Variants in PPP5C observed in about 807,000 individuals in gnomAD.
The protein encoded by PPP5C is serine/threonine-protein phosphatase 5.
PPP5C carries 21 observed loss-of-function variants against 66.7 expected under a neutral mutation model. The ratio of observed to expected loss-of-function variants is 0.31; its 90% CI spans 0.22 to 0.45. PPP5C has a LOEUF of 0.45. PPP5C is among the 20% of genes least tolerant of loss of function. The pLI is 1.00. For missense variants in PPP5C, 464 were observed against 675.9 expected, an observed-to-expected ratio of 0.69 and a Z score of 3.48; for synonymous variants, 246 against 257.4, an observed-to-expected ratio of 0.96 and a Z score of 0.43.
intron 4 of PPP5C, among the ~76,000 whole-genome samples, chr19:46,381,204 GT>G (rs111985520): frequency 0.22 from 33,855 of 151,650 alleles, 4,356 homozygotes; most frequent in Non-Finnish European, 0.3. Context: ...ATTTAGTTGT[GT>G]TTTTTTTAAT....
chr19:46,361,147 T>TTTTTTTG, intron 2 of PPP5C, among the ~76,000 whole-genome samples: 1 of 148,638 alleles, frequency 6.7e-6, no homozygotes, highest in East Asian at 2.0e-4. Context: ...TTTTTTTTTT[T>TTTTTTTG]GAGACGGAGT....
At chr19:46,358,180 A>G (rs6509261) in intron 2 of PPP5C, among the ~76,000 whole-genome samples, 148,351 of 152,304 alleles carry the variant, frequency 0.97, 72,279 homozygotes, top group East Asian at 1. Flanking sequence ...TCATAGTACC[A>G]CTGGCCACCC....
intron 1 of PPP5C, among the ~76,000 whole-genome samples, chr19:46,349,215 TC>T (rs1383342002): frequency 1.3e-5 from 2 of 151,522 alleles, no homozygotes; most frequent in Non-Finnish European, 1.5e-5. Context: ...AATTGCTTGA[TC>T]CTTGGAGGCA....
intron 2 of PPP5C, among the ~76,000 whole-genome samples, chr19:46,358,877 T>C (rs1972332983): frequency 6.6e-6 from 1 of 152,204 alleles, no homozygotes; most frequent in African/African-American, 2.4e-5. Flanking sequence ...CTCTGGACTC[T>C]TACTCTTGAG....
intron 2 of PPP5C, among the ~76,000 whole-genome samples, chr19:46,354,634 A>C (rs1413844845): frequency 2.0e-5 from 3 of 152,050 alleles, no homozygotes. Context: ...TCATCTCTAC[A>C]AAAAATACAA....
At position 46,384,533 on chromosome 19, in the gene PPP5C, G is replaced by A. The variant is rs565819843; in HGVS notation, c.799-271G>A. 63 of 411,438 alleles carry A rather than the reference G, an allele frequency of 1.5e-4. 1 individual carries two copies. The East Asian group carries it at 2.6e-3, about 17-fold the overall frequency. 25.5% of individuals were successfully genotyped at this position (411,438 alleles called of 1,614,324 possible). A position where few individuals can be genotyped will look rare whatever the true frequency, so the allele number is the denominator to read the frequency against. On this transcript the variant is annotated intron_variant, in intron 6 of 12. Coordinates refer to ENST00000012443, the MANE Select transcript of PPP5C (RefSeq NM_006247.4). Reference sequence around the variant, plus strand: ...GACTGACTAGTCCCCGCACCTCCCCGCCACTGGCTTTCCGGGAGACAGGAG... The same window carrying A: ...GACTGACTAGTCCCCGCACCTCCCCACCACTGGCTTTCCGGGAGACAGGAG...
chr19:46,384,714 C>T, intron 6 of PPP5C, 90 bp from the exon 7 acceptor site: 1 of 965,974 alleles, frequency 1.0e-6, no homozygotes, highest in Non-Finnish European at 1.7e-6. Flanking sequence ...GCAGGAGCAG[C>T]CCATCTGGCC....
chr19:46,368,685 C>A (rs1258099557), intron 2 of PPP5C, among the ~76,000 whole-genome samples: 1 of 152,112 alleles, frequency 6.6e-6, no homozygotes, highest in Non-Finnish European at 1.5e-5. Flanking sequence ...ACAGTGCACC[C>A]AGTACATAGA....
At chr19:46,373,054 C>T (rs1431744009) in intron 2 of PPP5C, among the ~76,000 whole-genome samples, 1 of 152,260 alleles carries the variant, frequency 6.6e-6, no homozygotes, top group Non-Finnish European at 1.5e-5. Flanking sequence ...GCTGGCACCA[C>T]CCCTACTTTC....
At chr19:46,349,455 C>G (rs1972144923) in intron 1 of PPP5C, among the ~76,000 whole-genome samples, 1 of 151,998 alleles carries the variant, frequency 6.6e-6, no homozygotes, top group African/African-American at 2.4e-5. Context: ...GTCTGGAGCC[C>G]TGGAAGAGAC....
chr19:46,387,671 A>C (rs1601447172), intron 9 of PPP5C: 2 of 1,486,442 alleles, frequency 1.3e-6, no homozygotes, highest in East Asian at 5.0e-5. Context: ...GGGTGAAGGC[A>C]CGGTGACCGC....
At chr19:46,359,577 C>T (rs1972345690) in intron 2 of PPP5C, among the ~76,000 whole-genome samples, 1 of 152,136 alleles carries the variant, frequency 6.6e-6, no homozygotes, top group African/African-American at 2.4e-5. Context: ...AATCTAAACA[C>T]AGATGTGCAA....
rs1270168459 is a variant in PPP5C, at chr19:46,376,972, T to C, written c.633+398T>C. 6.6e-6 allele frequency among the ~76,000 whole-genome samples: 1 copy of C among 152,130 alleles called. No individual in the cohort carries two copies. Among genetic ancestry groups the C allele is most frequent in the East Asian group, 1.9e-4 (1 of 5,196 alleles). On this transcript the variant is annotated intron_variant, in intron 4 of 12. Transcript: ENST00000012443. This position sits in a 1 kb window ranked among gnomAD's most constrained non-coding sequence, Gnocchi z 5.1. ...TCCTGAGACCACCCCCTCCCCGACC[T>C]AGGAGGGCAGCTGGCCACAGGGTGT...
chr19:46,356,404 G>C (rs1387309298), intron 2 of PPP5C, among the ~76,000 whole-genome samples: 3 of 152,256 alleles, frequency 2.0e-5, no homozygotes, highest in Non-Finnish European at 4.4e-5. Flanking sequence ...CTGGATGCTA[G>C]AGTTTCCTCC....
intron 2 of PPP5C, among the ~76,000 whole-genome samples, chr19:46,363,695 C>T (rs1972442292): frequency 6.6e-6 from 1 of 152,142 alleles, no homozygotes; most frequent in African/African-American, 2.4e-5. Flanking sequence ...TCCCAAAGTG[C>T]TGGGATTACA....
Position 46,376,719 on chromosome 19 carries a change from C to G in PPP5C, c.633+145C>G. 2 of 1,157,418 alleles carry G rather than the reference C, an allele frequency of 1.7e-6. No individual in the cohort carries two copies. The highest frequency in any genetic ancestry group is 2.4e-6 in the Non-Finnish European group (2 of 831,946). 71.7% of individuals were successfully genotyped at this position (1,157,418 alleles called of 1,614,324 possible). Reference sequence around the variant, plus strand: ...AGGAGTCGTGTGCCGGACACTGTGCCGAGGGCTTACCACATGATCTCATCT... The same window carrying G: ...AGGAGTCGTGTGCCGGACACTGTGCGGAGGGCTTACCACATGATCTCATCT... On this transcript the variant is annotated intron_variant, in intron 4 of 12. Transcript: ENST00000012443. This position sits in a 1 kb window ranked among gnomAD's most constrained non-coding sequence, Gnocchi z 5.1.
At position 46,387,340 on chromosome 19, in the gene PPP5C, C is replaced by T. The variant is rs759344082; in HGVS notation, c.1048-26C>T. The T allele has an allele frequency of 3.1e-5, 50 of 1,606,934 alleles. No homozygotes were observed. The South Asian group carries it at 3.9e-4, about 12-fold the overall frequency. ...CCTGTGGGTGGGTGGCACCTTCCCT[C>T]ACAGCGGCATCCCCCATCTCCCCAG... On this transcript the variant is annotated intron_variant, in intron 8 of 12. Transcript: ENST00000012443.
At position 46,387,112 on chromosome 19, in the gene PPP5C, C is replaced by T. The variant is rs1568578152; in HGVS notation, c.924C>T (p.Asn308=). 1 of 1,614,266 alleles carries T rather than the reference C, an allele frequency of 6.2e-7. No homozygotes were observed. The highest frequency in any genetic ancestry group is 1.6e-4 in the Middle Eastern group (1 of 6,062). The change falls in exon 8 of 13, where the codon AAC becomes AAT. Residue 308 remains asparagine (N), a synonymous_variant. Transcript: ENST00000012443. The part of the protein sequence containing the change: ...HLLRGNHETD[N]MNQIYGFEGE... ...GGCCAGGCAACCACGAGACAGACAA[C>T]ATGAACCAGATCTACGGTTTCGAGG...
At position 46,376,812 on chromosome 19, in the gene PPP5C, G is replaced by C; in HGVS notation, c.633+238G>C. 1 of 468,274 alleles carries C rather than the reference G, an allele frequency of 2.1e-6. No homozygotes were observed. The highest frequency in any genetic ancestry group is 2.3e-5 in the South Asian group (1 of 43,482). The allele number at this position is 468,274 out of a possible 1,614,324, so 29.0% of individuals were successfully genotyped here. On this transcript the variant is annotated intron_variant, in intron 4 of 12. Transcript: ENST00000012443. This position sits in a 1 kb window ranked among gnomAD's most constrained non-coding sequence, Gnocchi z 5.1. Reference sequence around the variant, plus strand: ...ACAGATGCAGGGACAAAGGGCCAGAGAGGTCAGGTGACTGGCCCAGGGTGA... The same window carrying C: ...ACAGATGCAGGGACAAAGGGCCAGACAGGTCAGGTGACTGGCCCAGGGTGA...
Sources: gnomAD v4.1 joint callset for allele counts (sites outside exome capture counted in the v4.1 genomes callset) on GRCh38, gnomAD v4.1.1 for gene constraint, Gnocchi (gnomAD v3.1) non-coding constraint, MANE v1.5 for transcripts, NCBI Gene and HGNC (gene_info 2026-07-23, HGNC 2026-07-21) for gene names.